BCAP31: variants seen among roughly 807,000 people sequenced by gnomAD.
BCAP31 encodes B cell receptor associated protein 31.
For missense variants in BCAP31, 124 were observed against 193.0 expected, an observed-to-expected ratio of 0.64 and a Z score of 2.12; for synonymous variants, 75 against 80.9, an observed-to-expected ratio of 0.93 and a Z score of 0.39.
intron 6 of BCAP31, 172 bp from the exon 7 acceptor site, chrX:153,702,279 G>C (rs1311423933): frequency 4.7e-6 from 2 of 424,835 alleles, no homozygotes; most frequent in East Asian, 4.1e-5. Flanking sequence ...CCCCAAAGTA[G>C]AGGGAAAGGG....
intron 3 of BCAP31, among the ~76,000 whole-genome samples, 176 bp downstream of exon 3, chrX:153,720,696 G>A (rs1424899660): frequency 8.0e-5 from 9 of 112,134 alleles, no homozygotes; most frequent in Non-Finnish European, 1.3e-4. Context: ...ACCGACTAGC[G>A]GTCAGCAGCA....
rs373056757 is a variant in BCAP31 at position 153,702,886 on chromosome X, A to C, written c.601+49T>G. ...CAAAATGGGCAGCAGCGGGCAGAGG[A>C]GGCTCCTCTGGACTTCCCTGCGGGG... On this transcript the variant is annotated intron_variant, in intron 6 of 7. Coordinates refer to ENST00000345046, the MANE Select transcript of BCAP31 (RefSeq NM_001256447.2). 5.0e-6 allele frequency: 6 copies of C among 1,196,237 alleles called. No individual in the cohort carries two copies. In the East Asian group the frequency reaches 8.9e-5, roughly 18 times the overall value.
intron 4 of BCAP31, among the ~76,000 whole-genome samples, chrX:153,710,065 A>G (rs1388662815): frequency 8.9e-6 from 1 of 112,346 alleles, no homozygotes; most frequent in Non-Finnish European, 1.9e-5. Context: ...GGTGTTCCGC[A>G]CAGAGGTCCC....
At chrX:153,710,019 G>A (rs1214911330) in intron 4 of BCAP31, among the ~76,000 whole-genome samples, 7 of 112,686 alleles carry the variant, frequency 6.2e-5, no homozygotes, top group African/African-American at 6.4e-5. Context: ...GGAGATTCAC[G>A]AAGAGGAGGT....
chrX:153,707,502 C>T (rs1302504970), intron 4 of BCAP31, among the ~76,000 whole-genome samples: 1 of 111,542 alleles, frequency 9.0e-6, no homozygotes, highest in Non-Finnish European at 1.9e-5. Context: ...GACAGAATCT[C>T]CCTGGGCCTA....
intron 4 of BCAP31, chrX:153,715,301 G>A (rs977578327): frequency 3.9e-5 from 16 of 410,989 alleles, no homozygotes; most frequent in African/African-American, 3.7e-4. Flanking sequence ...GTTTGCCTGA[G>A]AGTATGTGGT....
chrX:153,703,249 G>C (rs1163082598), intron 5 of BCAP31, among the ~76,000 whole-genome samples, 191 bp from the exon 6 acceptor site: 1 of 113,395 alleles, frequency 8.8e-6, no homozygotes, highest in African/African-American at 3.2e-5. Context: ...TGCCCGCCGA[G>C]GGAAAGAGAA....
intron 1 of BCAP31, 85 bp downstream of exon 1, chrX:153,724,249 C>G (rs2091691824): frequency 4.8e-6 from 1 of 209,479 alleles, no homozygotes; most frequent in African/African-American, 3.2e-5. Flanking sequence ...CGGGCCTCCC[C>G]GCGCCGCTCG....
rs782567134 is a variant in BCAP31 at position 153,717,490 on chromosome X, T to G, written c.194-1801A>C. ...TCTCACTCTGTCACCCAGGCTTGAG[T>G]GCAGTGGCACGATCCCAGCTCACTG... is the stretch of plus-strand genomic sequence containing the variant. On this transcript the variant is annotated intron_variant, in intron 3 of 7. Coordinates refer to ENST00000345046, the MANE Select transcript of BCAP31 (RefSeq NM_001256447.2). Among the ~76,000 whole-genome samples the G allele has an allele frequency of 1.8e-5, 2 of 112,624 alleles. 1 individual carries two copies. Among genetic ancestry groups the G allele is most frequent in the South Asian group, 7.3e-4 (2 of 2,749 alleles).
Position 153,704,049 on chromosome X carries a change from C to T in BCAP31, c.387G>A (p.Leu129=), listed in dbSNP as rs373953555. ...LVTLISQQAT[L]LASNEAFKKQ... The stretch of plus-strand genomic sequence containing the variant: ...TTTTAAAGGCTTCATTGGAGGCCAG[C>T]AGCGTGGCCTGCTGCGAAATGAGAG... The change falls in exon 5 of 8, where the codon CTG becomes CTA. Residue 129 remains leucine (L), a synonymous_variant. Transcript: ENST00000345046. 5.0e-6 allele frequency: 6 copies of T among 1,209,535 alleles called. No individual in the cohort carries two copies. The highest frequency in any genetic ancestry group is 5.6e-6 in the Non-Finnish European group (5 of 894,582).
At chrX:153,712,152 T>A (rs1236724034) in intron 4 of BCAP31, among the ~76,000 whole-genome samples, 2 of 110,915 alleles carry the variant, frequency 1.8e-5, no homozygotes, top group African/African-American at 6.5e-5. Context: ...CCAGGCACAG[T>A]GGCTCATGCC....
At chrX:153,711,286 T>A (rs1173421371) in intron 4 of BCAP31, among the ~76,000 whole-genome samples, 1 of 112,027 alleles carries the variant, frequency 8.9e-6, no homozygotes, top group Non-Finnish European at 1.9e-5. Context: ...CCACCCCACT[T>A]CTACTACCAC....
At chrX:153,708,196 G>A (rs782700669) in intron 4 of BCAP31, among the ~76,000 whole-genome samples, 1 of 112,410 alleles carries the variant, frequency 8.9e-6, no homozygotes, top group East Asian at 2.8e-4. Context: ...ACTGAGCAGG[G>A]CTATCGTGCT....
intron 7 of BCAP31, 60 bp downstream of exon 7, chrX:153,701,947 G>C: frequency 1.8e-6 from 2 of 1,111,742 alleles, no homozygotes; most frequent in Admixed American, 4.9e-5. Context: ...CGCACCCGCA[G>C]GGGCTGCCTC....
intron 4 of BCAP31, among the ~76,000 whole-genome samples, chrX:153,711,942 A>G (rs1557049240): frequency 9.0e-6 from 1 of 110,795 alleles, no homozygotes; most frequent in East Asian, 2.8e-4. Flanking sequence ...AGAAAAAGAA[A>G]AAGAAAAAAA....
chrX:153,721,473 G>C, intron 2 of BCAP31, among the ~76,000 whole-genome samples: 1 of 100,647 alleles, frequency 9.9e-6, no homozygotes, highest in Middle Eastern at 4.5e-3. Context: ...TCCACGTATA[G>C]ATCAAAATGT....
intron 4 of BCAP31, among the ~76,000 whole-genome samples, chrX:153,709,394 T>G (rs1394367920): frequency 7.1e-5 from 8 of 112,216 alleles, no homozygotes; most frequent in African/African-American, 2.3e-4. Flanking sequence ...TTCCTGCGAC[T>G]GGCTGCTAAC....
At chrX:153,715,955 C>T (rs2091624293) in intron 3 of BCAP31, among the ~76,000 whole-genome samples, 1 of 107,368 alleles carries the variant, frequency 9.3e-6, no homozygotes, top group Admixed American at 1.0e-4. Flanking sequence ...GTCAGGAGTT[C>T]GAGACAAGCC....
chrX:153,701,511 G>A (rs1458898575), intron 7 of BCAP31, among the ~76,000 whole-genome samples: 2 of 112,690 alleles, frequency 1.8e-5, no homozygotes. Flanking sequence ...TTCCAGATGC[G>A]GCCTGGTGCA....
Sources: gnomAD v4.1 joint callset for allele counts (sites outside exome capture counted in the v4.1 genomes callset) on GRCh38, gnomAD v4.1.1 for gene constraint, MANE v1.5 for transcripts, NCBI Gene and HGNC (gene_info 2026-07-23, HGNC 2026-07-21) for gene names.